The following PPFIA2 variants were observed in gnomAD, a reference collection of about 807,000 sequenced individuals.
PPFIA2 encodes liprin-alpha-2.
A neutral mutation model predicts 175.5 loss-of-function variants in PPFIA2; 46 were observed. The ratio of observed to expected loss-of-function variants is 0.26; its 90% confidence interval spans 0.21 to 0.34. The LOEUF (loss-of-function observed/expected upper bound fraction) is 0.34, where lower values mean the gene tolerates loss of function less well. PPFIA2 is among the 10% of genes least tolerant of loss of function. The probability of loss-of-function intolerance (pLI) is 1.00; values close to 1 mark genes in which losing one functional copy is unlikely to be tolerated. For missense variants in PPFIA2, 1,179 were observed against 1,506.1 expected (o/e 0.78, Z 3.60); for synonymous variants, 568 against 511.4 (o/e 1.11, Z -1.49).
intron 8 of PPFIA2, among the ~76,000 whole-genome samples, chr12:81,394,315 G>A (rs1433080139): frequency 6.6e-6 from 1 of 151,924 alleles, no homozygotes; most frequent in African/African-American, 2.4e-5. Context: ...AGTCAAAAAA[G>A]AGCTCAACTT....
At chr12:81,479,986 G>C (rs748120972) in intron 4 of PPFIA2, among the ~76,000 whole-genome samples, 1 of 152,074 alleles carries the variant, frequency 6.6e-6, no homozygotes, top group African/African-American at 2.4e-5. Flanking sequence ...CTCCTGGATA[G>C]TATCCTGACG....
At chr12:81,652,542 C>T (rs1435768536) in intron 4 of PPFIA2, among the ~76,000 whole-genome samples, 1 of 151,986 alleles carries the variant, frequency 6.6e-6, no homozygotes, top group African/African-American at 2.4e-5. Flanking sequence ...AAAAATAAAT[C>T]AGTTATATCA....
chr12:81,466,010 G>T (rs1205565248), intron 4 of PPFIA2, among the ~76,000 whole-genome samples: 1 of 152,128 alleles, frequency 6.6e-6, no homozygotes, highest in African/African-American at 2.4e-5. Flanking sequence ...CATGAGCCCA[G>T]GGAATGCTGT....
chr12:81,647,148 A>G (rs2066233364), intron 4 of PPFIA2, among the ~76,000 whole-genome samples: 1 of 152,170 alleles, frequency 6.6e-6, no homozygotes, highest in South Asian at 2.1e-4. Context: ...TACAAATACC[A>G]GAAATTAAAA....
At chr12:81,506,671 A>T (rs2061204539) in intron 4 of PPFIA2, among the ~76,000 whole-genome samples, 1 of 152,216 alleles carries the variant, frequency 6.6e-6, no homozygotes, top group South Asian at 2.1e-4. Flanking sequence ...TCTAGGTATT[A>T]TGTAACCAGG....
intron 3 of PPFIA2, among the ~76,000 whole-genome samples, chr12:81,698,030 T>C (rs1596494505): frequency 6.6e-6 from 1 of 152,106 alleles, no homozygotes; most frequent in South Asian, 2.1e-4. Context: ...TAAAATGTAG[T>C]AATATAAATG....
intron 4 of PPFIA2, among the ~76,000 whole-genome samples, chr12:81,536,745 CAT>C (rs3075445): frequency 0.017 from 2,306 of 136,622 alleles, 19 homozygotes; most frequent in East Asian, 0.029. Context: ...TATACATAAA[CAT>C]ATATATATAT....
chr12:81,281,081 A>G (rs1341470299), intron 27 of PPFIA2, among the ~76,000 whole-genome samples, 176 bp downstream of exon 27: 3 of 152,098 alleles, frequency 2.0e-5, no homozygotes, highest in East Asian at 1.9e-4. Flanking sequence ...TCTAAATTAG[A>G]AAGTCCCTGC....
intron 4 of PPFIA2, among the ~76,000 whole-genome samples, chr12:81,501,844 C>A (rs1409230500): frequency 2.0e-5 from 3 of 152,078 alleles, no homozygotes; most frequent in Non-Finnish European, 4.4e-5. Flanking sequence ...CCTAACACTG[C>A]TATTGTCAAT....
At chr12:81,665,049 AG>A (rs1447931850) in intron 4 of PPFIA2, among the ~76,000 whole-genome samples, 1 of 144,946 alleles carries the variant, frequency 6.9e-6, no homozygotes, top group Non-Finnish European at 1.5e-5. Context: ...GGGTGGGGGC[AG>A]GGGGGAGGGA....
chr12:81,585,555 G>T (rs528755064), intron 4 of PPFIA2, among the ~76,000 whole-genome samples: 38 of 151,476 alleles, frequency 2.5e-4, no homozygotes, highest in African/African-American at 9.0e-4. Context: ...ATGCACATTA[G>T]CCCAGGCCCA....
intron 8 of PPFIA2, among the ~76,000 whole-genome samples, chr12:81,400,263 A>G (rs571992110): frequency 1.9e-4 from 29 of 152,230 alleles, no homozygotes; most frequent in African/African-American, 6.7e-4. Context: ...TGAGGATCAC[A>G]TTGCTTGTAG....
intron 7 of PPFIA2, among the ~76,000 whole-genome samples, chr12:81,422,087 T>G (rs2046344413): frequency 1.4e-5 from 2 of 141,432 alleles, no homozygotes; most frequent in South Asian, 4.3e-4. Flanking sequence ...TATATATATG[T>G]GTATATATAT....
chr12:81,630,492 A>T (rs2063242324), intron 4 of PPFIA2, among the ~76,000 whole-genome samples: 1 of 152,212 alleles, frequency 6.6e-6, no homozygotes, highest in Non-Finnish European at 1.5e-5. Context: ...TTCCCTGAGG[A>T]TACGGAAGGT....
intron 5 of PPFIA2, 108 bp from the exon 6 acceptor site, chr12:81,445,828 G>A: frequency 9.4e-7 from 1 of 1,065,468 alleles, no homozygotes; most frequent in Non-Finnish European, 1.3e-6. Flanking sequence ...TCTAATGTTA[G>A]CTGCAGGTTA....
rs1338631045 is a variant in PPFIA2 at position 81,499,619 on chromosome 12, A to G, written c.304-41753T>C. 5.3e-5 allele frequency among the ~76,000 whole-genome samples: 8 copies of G among 152,120 alleles called. No individual in the cohort carries two copies. In the East Asian group the frequency reaches 1.4e-3, roughly 26 times the overall value. ...CCCATTTAAATCTGAGATGCCTATA[A>G]GGTAAGTATCATTTTCTCTATTTGA... On this transcript the variant is annotated intron_variant, in intron 4 of 32. Coordinates refer to ENST00000549396, the MANE Select transcript of PPFIA2 (RefSeq NM_003625.5).
chr12:81,469,004 T>C (rs1007422724), intron 4 of PPFIA2, among the ~76,000 whole-genome samples: 1 of 152,154 alleles, frequency 6.6e-6, no homozygotes, highest in Non-Finnish European at 1.5e-5. Context: ...CATCCCAGCC[T>C]AAGAATTGTA....
At chr12:81,569,473 G>A (rs11114916) in intron 4 of PPFIA2, among the ~76,000 whole-genome samples, 4,171 of 152,200 alleles carry the variant, frequency 0.027, 92 homozygotes, top group East Asian at 0.1. Context: ...CTTCCAATAC[G>A]TAAAATCACT....
intron 4 of PPFIA2, among the ~76,000 whole-genome samples, chr12:81,657,620 T>C (rs1218113730): frequency 2.0e-5 from 3 of 152,192 alleles, no homozygotes; most frequent in Non-Finnish European, 4.4e-5. Flanking sequence ...TGAAAAAGAT[T>C]TCTAAGAATC....
Sources: allele counts gnomAD v4.1 joint callset (sites outside exome capture counted in the v4.1 genomes callset), GRCh38; gene constraint gnomAD v4.1.1; transcripts MANE v1.5; gene names NCBI Gene and HGNC (gene_info 2026-07-23, HGNC 2026-07-21).